The following DMD variants were observed in gnomAD, a reference collection of about 807,000 sequenced individuals.
The protein encoded by DMD is dystrophin.
In DMD, 63 loss-of-function variants were observed where a neutral mutation model predicts 330.1. That is an observed-to-expected ratio of 0.19 (90% CI 0.16 to 0.24). The LOEUF (loss-of-function observed/expected upper bound fraction) is 0.24. DMD is among the 10% of genes least tolerant of loss of function. The pLI is 1.00. For synonymous variants in DMD, 1,223 were observed against 959.8 expected, an observed-to-expected ratio of 1.27 and a Z score of -5.07; for missense variants, 3,344 against 2,684.1, an observed-to-expected ratio of 1.25 and a Z score of -5.43.
At chrX:32,757,055 ATTTAC>A (rs1177207246) in intron 7 of DMD, among the ~76,000 whole-genome samples, 2 of 111,371 alleles carry the variant, frequency 1.8e-5, no homozygotes, top group African/African-American at 3.3e-5. Context: ...CTAATTTCGA[ATTTAC>A]TTAACATGAC....
intron 43 of DMD, among the ~76,000 whole-genome samples, chrX:32,267,627 G>A (rs2097349736): frequency 8.9e-6 from 1 of 111,775 alleles, no homozygotes; most frequent in Non-Finnish European, 1.9e-5. Context: ...CCTTTCCTTT[G>A]ACTTTAAAGA....
At position 32,362,856 on chromosome X, in the gene DMD, C is replaced by T; in HGVS notation, c.5257G>A (p.Val1753Ile). The T allele has an allele frequency of 8.3e-7, 1 of 1,211,367 alleles. No individual in the cohort carries two copies. Among genetic ancestry groups the T allele is most frequent in the Non-Finnish European group, 1.1e-6 (1 of 895,406 alleles). ...TTGAGCTCTGAGATTTGGGGCTCTACTAATTTCCTGCAGTGGTCACCGCGG... is the reference window on the plus strand; with the variant it reads ...TTGAGCTCTGAGATTTGGGGCTCTATTAATTTCCTGCAGTGGTCACCGCGG... ...ANRGDHCRKL[V>I]EPQISELNHR... The change falls in exon 37 of 79, where the codon GTA becomes ATA. Residue 1753 changes from valine to isoleucine, a missense_variant. Transcript: ENST00000357033.
intron 52 of DMD, among the ~76,000 whole-genome samples, chrX:31,703,332 C>G (rs1366802084): frequency 8.9e-6 from 1 of 112,255 alleles, no homozygotes; most frequent in Admixed American, 9.4e-5. Context: ...GGAAGGAGCC[C>G]TAGGTATGTA....
chrX:32,468,659 T>C lies in DMD; in HGVS notation c.3001A>G (p.Thr1001Ala), dbSNP rs2040303930. 3.3e-6 allele frequency: 4 copies of C among 1,211,412 alleles called. No individual in the cohort carries two copies. The highest frequency in any genetic ancestry group is 4.5e-6 in the Non-Finnish European group (4 of 895,338). The part of the protein sequence containing the change: ...EQQSGLYYLS[T>A]TVKEMSKKAP... ...TTCTTCGACATCTCTTTCACAGTGG[T>C]GCTGAGATAGTATAGGCCACTTTGT... Residue 1001 changes from threonine to alanine, a missense_variant, in exon 23 of 79, where the codon ACC (threonine) becomes GCC (alanine). By Grantham distance (58) the Thr-to-Ala change is moderately conservative (BLOSUM62 0). Transcript: ENST00000357033.
At chrX:32,563,054 T>C (rs2051217483) in intron 16 of DMD, among the ~76,000 whole-genome samples, 1 of 111,115 alleles carries the variant, frequency 9.0e-6, no homozygotes. Flanking sequence ...TAAAAGGAGA[T>C]AGTGGGCCGG....
chrX:31,518,382 G>C (rs2072448263), intron 55 of DMD, among the ~76,000 whole-genome samples: 2 of 106,465 alleles, frequency 1.9e-5, no homozygotes, highest in South Asian at 7.9e-4. Flanking sequence ...CAGCCTCAGT[G>C]CTCATAATTG....
intron 2 of DMD, among the ~76,000 whole-genome samples, chrX:33,002,850 G>GAAAAAAAAAAAAAAAAAAAAAAAAA (rs145168802): frequency 5.2e-5 from 2 of 38,759 alleles, no homozygotes; most frequent in Non-Finnish European, 8.6e-5. Flanking sequence ...TTTTTTTCTC[G>GAAAAAAAAAAAAAAAAAAAAAAAAA]AAAAAAAAAA....
chrX:33,004,338 C>G lies in DMD; in HGVS notation c.93+15801G>C, dbSNP rs763846407. 1.2e-3 allele frequency among the ~76,000 whole-genome samples: 136 copies of G among 111,304 alleles called. 1 individual carries two copies. Among genetic ancestry groups the G allele is most frequent in the South Asian group, 4.8e-3 (13 of 2,693 alleles). ...CAGGCTCACCCACTATGTTCCTTGG[C>G]CAGGATGAAGTATCATATATTCTTC... On this transcript the variant is annotated intron_variant, in intron 2 of 78. Coordinates refer to ENST00000357033, the MANE Select transcript of DMD (RefSeq NM_004006.3).
In DMD at chrX:32,146,506, C is replaced by T. The variant is rs182274542; in HGVS notation, c.6438+70410G>A. ...TGATCTTTGTCCTATTATTTAACTT[C>T]CCTTGCTTCAATTTTAGAAGATATA... On this transcript the variant is annotated intron_variant, in intron 44 of 78. Coordinates refer to ENST00000357033, the MANE Select transcript of DMD (RefSeq NM_004006.3). 5.2e-4 allele frequency among the ~76,000 whole-genome samples: 58 copies of T among 111,434 alleles called. 1 individual carries two copies. Among genetic ancestry groups the T allele is most frequent in the African/African-American group, 1.7e-3 (53 of 30,716 alleles).
intron 44 of DMD, among the ~76,000 whole-genome samples, chrX:32,148,477 A>G (rs1216805310): frequency 9.0e-6 from 1 of 111,624 alleles, no homozygotes; most frequent in Non-Finnish European, 1.9e-5. Context: ...GCTTCTGAGA[A>G]ATAAATAAAT....
chrX:32,537,927 C>A (rs911052075), intron 17 of DMD, among the ~76,000 whole-genome samples: 1 of 112,215 alleles, frequency 8.9e-6, no homozygotes, highest in African/African-American at 3.2e-5. Context: ...GATATAGTAT[C>A]TCATAGGACC....
intron 9 of DMD, among the ~76,000 whole-genome samples, chrX:32,650,412 GTATTCTA>G (rs2060071189): frequency 1.8e-5 from 2 of 111,298 alleles, no homozygotes; most frequent in African/African-American, 3.3e-5. Flanking sequence ...ATTTTTTGGT[GTATTCTA>G]TAATCTTTTT....
At chrX:32,881,118 G>C (rs1268092823) in intron 2 of DMD, among the ~76,000 whole-genome samples, 2 of 112,484 alleles carry the variant, frequency 1.8e-5, no homozygotes, top group African/African-American at 6.4e-5. Flanking sequence ...AGTAAGTACA[G>C]CTAGGAACTG....
intron 30 of DMD, among the ~76,000 whole-genome samples, chrX:32,394,754 G>T (rs186049807): frequency 1.4e-4 from 15 of 108,717 alleles, no homozygotes; most frequent in African/African-American, 5.0e-4. Flanking sequence ...AGAGAGGGTA[G>T]AGGGCCCAAA....
At chrX:32,166,097 C>A (rs917761309) in intron 44 of DMD, among the ~76,000 whole-genome samples, 1 of 111,278 alleles carries the variant, frequency 9.0e-6, no homozygotes, top group Non-Finnish European at 1.9e-5. Flanking sequence ...CTAATACACT[C>A]CCTCTCTTGA....
At chrX:33,173,366 T>C (rs1160340268) in intron 1 of DMD, among the ~76,000 whole-genome samples, 1 of 112,037 alleles carries the variant, frequency 8.9e-6, no homozygotes. Context: ...ATGATGTTTA[T>C]GTATTTTCAT....
At chrX:31,470,324 T>A (rs1211962463) in intron 59 of DMD, among the ~76,000 whole-genome samples, 1 of 111,671 alleles carries the variant, frequency 9.0e-6, no homozygotes, top group African/African-American at 3.3e-5. Flanking sequence ...CTACCTTTGG[T>A]CTTTGATGTT....
At chrX:32,511,524 GAAAAAAAAA>G (rs67754841) in intron 18 of DMD, among the ~76,000 whole-genome samples, 6 of 49,795 alleles carry the variant, frequency 1.2e-4, no homozygotes, top group African/African-American at 3.1e-4. Context: ...TCCGTCTCGG[GAAAAAAAAA>G]AAAAAAAAAA....
At chrX:32,525,011 A>G (rs998577849) in intron 17 of DMD, among the ~76,000 whole-genome samples, 6 of 112,094 alleles carry the variant, frequency 5.4e-5, no homozygotes, top group Admixed American at 9.4e-5. Context: ...AAAGAAACAT[A>G]TTAATGAGTT....
Sources: gnomAD v4.1 joint callset for allele counts (sites outside exome capture counted in the v4.1 genomes callset) on GRCh38, gnomAD v4.1.1 for gene constraint, MANE v1.5 for transcripts, NCBI Gene and HGNC (gene_info 2026-07-23, HGNC 2026-07-21) for gene names.